The following ROBO1 variants were observed in gnomAD, a reference collection of about 807,000 sequenced individuals.
The protein encoded by ROBO1 is roundabout homolog 1.
ROBO1 carries 149 observed loss-of-function variants against 195.9 expected under a neutral mutation model. That is an observed-to-expected ratio of 0.76 (90% CI 0.67 to 0.87). The LOEUF is 0.87. ROBO1 is among the 40% of genes least tolerant of loss of function. The pLI, the probability that ROBO1 is intolerant of heterozygous loss-of-function variation, is 0.00. For missense variants in ROBO1, 1,933 were observed against 2,068.3 expected (o/e 0.93, Z 1.27); for synonymous variants, 816 against 733.2 (o/e 1.11, Z -1.82).
chr3:78,890,428 G>A (rs1052035780), intron 4 of ROBO1, among the ~76,000 whole-genome samples: 4 of 152,046 alleles, frequency 2.6e-5, no homozygotes, highest in African/African-American at 9.7e-5. Flanking sequence ...ACCAGGAAGA[G>A]GGCCATCATC....
Position 79,555,345 on chromosome 3 carries a change from G to A in ROBO1, c.88+34479C>T, listed in dbSNP as rs141359396. Among the ~76,000 whole-genome samples the A allele has an allele frequency of 2.9e-3, 444 of 152,130 alleles. 2 individuals carry two copies. The highest frequency in any genetic ancestry group is 0.01 in the African/African-American group (417 of 41,532). ...AGCTCTTTGAACCAGGAAAGTTACC[G>A]ATTCCTGAGAATTCAAACTACAAGA... On this transcript the variant is annotated intron_variant, in intron 2 of 30. Transcript: ENST00000464233.
At chr3:78,717,660 T>C (rs2081935542) in intron 6 of ROBO1, 103 bp downstream of exon 6, 1 of 1,314,122 alleles carries the variant, frequency 7.6e-7, no homozygotes, top group Non-Finnish European at 1.0e-6. Flanking sequence ...ACCCACCCCC[T>C]AAAAATATTT....
intron 3 of ROBO1, among the ~76,000 whole-genome samples, chr3:79,054,988 C>T (rs978326233): frequency 6.6e-6 from 1 of 152,144 alleles, no homozygotes; most frequent in African/African-American, 2.4e-5. Context: ...TCCACCTCCA[C>T]AGTAGGGGGT....
chr3:79,407,418 T>TG (rs2037590536), intron 2 of ROBO1, among the ~76,000 whole-genome samples: 1 of 152,176 alleles, frequency 6.6e-6, no homozygotes, highest in African/African-American at 2.4e-5. Flanking sequence ...TTAAACGTTG[T>TG]GAAAAAAATA....
intron 7 of ROBO1, among the ~76,000 whole-genome samples, chr3:78,716,174 T>C (rs531372785): frequency 2.8e-4 from 42 of 152,282 alleles, no homozygotes; most frequent in African/African-American, 9.1e-4. Context: ...CAAATTCAAA[T>C]TCCCCCCTCT....
chr3:79,451,139 T>C (rs1482413082), intron 2 of ROBO1, among the ~76,000 whole-genome samples: 1 of 152,002 alleles, frequency 6.6e-6, no homozygotes, highest in Non-Finnish European at 1.5e-5. Flanking sequence ...ATTTGAAAAA[T>C]TGTAAGATGT....
At chr3:79,136,842 A>G (rs914236203) in intron 2 of ROBO1, among the ~76,000 whole-genome samples, 6 of 152,104 alleles carry the variant, frequency 3.9e-5, no homozygotes, top group Non-Finnish European at 8.8e-5. Flanking sequence ...AGGAAAAAAA[A>G]TCAGTAGGTG....
intron 2 of ROBO1, among the ~76,000 whole-genome samples, chr3:79,399,880 A>T (rs2037297962): frequency 6.6e-6 from 1 of 152,166 alleles, no homozygotes; most frequent in African/African-American, 2.4e-5. Flanking sequence ...TTGTGATAGA[A>T]TTTTTATAGG....
At chr3:79,068,827 T>C (rs1353004704) in intron 3 of ROBO1, among the ~76,000 whole-genome samples, 1 of 151,918 alleles carries the variant, frequency 6.6e-6, no homozygotes, top group African/African-American at 2.4e-5. Flanking sequence ...CCTACTTATC[T>C]AATCCAATGA....
At chr3:78,735,195 T>A (rs1365660253) in intron 5 of ROBO1, among the ~76,000 whole-genome samples, 1 of 152,184 alleles carries the variant, frequency 6.6e-6, no homozygotes, top group Admixed American at 6.6e-5. Flanking sequence ...TTAAATTCAG[T>A]GTAGAATGAA....
At chr3:78,704,378 C>T (rs949421423) in intron 8 of ROBO1, among the ~76,000 whole-genome samples, 12 of 152,022 alleles carry the variant, frequency 7.9e-5, no homozygotes, top group South Asian at 6.2e-4. Context: ...AGATCTCATA[C>T]GCTGACAGAA....
At chr3:79,534,076 A>G (rs1306335170) in intron 2 of ROBO1, among the ~76,000 whole-genome samples, 2 of 146,774 alleles carry the variant, frequency 1.4e-5, no homozygotes, top group Non-Finnish European at 3.0e-5. Context: ...GAAAGACTCT[A>G]ATAGGTATTG....
intron 10 of ROBO1, among the ~76,000 whole-genome samples, chr3:78,679,923 T>A (rs1033458378): frequency 7.9e-5 from 12 of 152,064 alleles, no homozygotes; most frequent in African/African-American, 2.2e-4. Context: ...GCTACCTGAC[T>A]TCAAACTATA....
chr3:79,064,571 G>A (rs1394744117), intron 3 of ROBO1, among the ~76,000 whole-genome samples: 1 of 151,692 alleles, frequency 6.6e-6, no homozygotes, highest in Non-Finnish European at 1.5e-5. Flanking sequence ...TATGTTGCTC[G>A]GGTTGGTCTG....
chr3:79,118,754 G>C (rs1271083071), intron 3 of ROBO1, among the ~76,000 whole-genome samples: 2 of 151,528 alleles, frequency 1.3e-5, no homozygotes, highest in African/African-American at 4.9e-5. Context: ...TGTAGTCCCA[G>C]CTACTTAGGA....
chr3:78,942,964 C>T lies in ROBO1; in HGVS notation c.173-4037G>A, dbSNP rs183873812. Among the ~76,000 whole-genome samples the T allele has an allele frequency of 2.0e-5, 3 of 151,712 alleles. No homozygotes were observed. The East Asian group carries it at 5.9e-4, about 30-fold the overall frequency. Reference sequence around the variant, plus strand: ...GTGCGGTGGGTCACGCCTGTAATCCCAGGACTTCGGGAGGCCAAGGCGGGC... The same window carrying T: ...GTGCGGTGGGTCACGCCTGTAATCCTAGGACTTCGGGAGGCCAAGGCGGGC... On this transcript the variant is annotated intron_variant, in intron 3 of 30. Coordinates refer to ENST00000464233, the MANE Select transcript of ROBO1 (RefSeq NM_002941.4).
intron 2 of ROBO1, among the ~76,000 whole-genome samples, chr3:79,282,516 G>T (rs1203520708): frequency 6.6e-6 from 1 of 152,182 alleles, no homozygotes; most frequent in Non-Finnish European, 1.5e-5. Flanking sequence ...GATAGCAAAT[G>T]AATTTGTAAA....
At chr3:78,731,289 C>T (rs137933362) in intron 5 of ROBO1, among the ~76,000 whole-genome samples, 5 of 152,154 alleles carry the variant, frequency 3.3e-5, no homozygotes, top group African/African-American at 1.2e-4. Context: ...CTAGGATATA[C>T]TGTTGGAACT....
chr3:79,476,825 G>C (rs1465802237), intron 2 of ROBO1, among the ~76,000 whole-genome samples: 1 of 152,006 alleles, frequency 6.6e-6, no homozygotes, highest in Non-Finnish European at 1.5e-5. Context: ...CACTGCTCGG[G>C]TGATGAGTGA....
Sources: allele counts gnomAD v4.1 joint callset (sites outside exome capture counted in the v4.1 genomes callset), GRCh38; gene constraint gnomAD v4.1.1; transcripts MANE v1.5; gene names NCBI Gene and HGNC (gene_info 2026-07-23, HGNC 2026-07-21).